Variants in DAB1 observed in about 807,000 individuals in gnomAD.
DAB1 encodes disabled homolog 1.
DAB1 carries 15 observed loss-of-function variants against 64.6 expected under a neutral mutation model. The observed-to-expected ratio is 0.23, with a 90% CI of 0.16 to 0.36. The LOEUF is 0.36. Ranked by LOEUF, DAB1 falls within the 10% of genes least tolerant of loss-of-function variation. The probability of loss-of-function intolerance (pLI) is 1.00; values close to 1 mark genes in which losing one functional copy is unlikely to be tolerated. For missense variants in DAB1, 596 were observed against 706.7 expected, an observed-to-expected ratio of 0.84 and a Z score of 1.78; for synonymous variants, 235 against 251.9, an observed-to-expected ratio of 0.93 and a Z score of 0.64.
intron 3 of DAB1, among the ~76,000 whole-genome samples, chr1:58,406,024 C>T (rs1015797965): frequency 3.3e-5 from 5 of 152,190 alleles, no homozygotes; most frequent in African/African-American, 1.2e-4. Flanking sequence ...GTTTGACATA[C>T]ACAATCTCAC....
At chr1:57,131,096 G>A (rs1334183152) in intron 4 of DAB1, among the ~76,000 whole-genome samples, 4 of 152,162 alleles carry the variant, frequency 2.6e-5, no homozygotes, top group Non-Finnish European at 5.9e-5. Context: ...CTACAAAACT[G>A]CCTACACACA....
At chr1:57,868,166 A>T (rs541456578) in intron 1 of DAB1, among the ~76,000 whole-genome samples, 1 of 152,326 alleles carries the variant, frequency 6.6e-6, no homozygotes, top group South Asian at 2.1e-4. Context: ...TCAGCTATGC[A>T]GAATTTCTGC....
At chr1:57,781,126 C>CTCTCTATATA (rs1557477160) in intron 6 of DAB1, among the ~76,000 whole-genome samples, 2 of 27,724 alleles carry the variant, frequency 7.2e-5, no homozygotes, top group Non-Finnish European at 1.3e-4. Context: ...CTCTCTCTCT[C>CTCTCTATATA]TATATATATA....
intron 6 of DAB1, among the ~76,000 whole-genome samples, chr1:57,792,089 T>G (rs1306579218): frequency 6.6e-6 from 1 of 152,180 alleles, no homozygotes; most frequent in Non-Finnish European, 1.5e-5. Flanking sequence ...TGACAACCCT[T>G]CCACTGAGGA....
At chr1:58,441,688 G>A (rs758179682) in intron 3 of DAB1, among the ~76,000 whole-genome samples, 3 of 152,148 alleles carry the variant, frequency 2.0e-5, no homozygotes, top group Non-Finnish European at 4.4e-5. Flanking sequence ...TCCTACCAGC[G>A]TGCAAGATGT....
At chr1:58,136,731 A>G (rs1449985436) in intron 5 of DAB1, among the ~76,000 whole-genome samples, 1 of 152,202 alleles carries the variant, frequency 6.6e-6, no homozygotes, top group African/African-American at 2.4e-5. Context: ...ATGTTCATTT[A>G]TCTAGGTTAT....
chr1:58,480,475 A>G (rs187872553), intron 3 of DAB1, among the ~76,000 whole-genome samples: 13 of 152,194 alleles, frequency 8.5e-5, no homozygotes, highest in Admixed American at 8.5e-4. Flanking sequence ...CCAGTCATCC[A>G]CAGGTGAAGA....
intron 9 of DAB1, among the ~76,000 whole-genome samples, chr1:57,061,666 C>G (rs1301424480): frequency 1.3e-5 from 2 of 152,184 alleles, no homozygotes; most frequent in Non-Finnish European, 2.9e-5. Context: ...CATACAGTGG[C>G]CTTTGGAGTC....
intron 3 of DAB1, among the ~76,000 whole-genome samples, chr1:58,495,504 T>C (rs1645784855): frequency 6.6e-6 from 1 of 152,144 alleles, no homozygotes; most frequent in South Asian, 2.1e-4. Context: ...GCTGAATTTT[T>C]TGGTAGTTCC....
intron 2 of DAB1, among the ~76,000 whole-genome samples, chr1:57,204,865 G>A (rs968228485): frequency 6.6e-6 from 1 of 152,128 alleles, no homozygotes; most frequent in African/African-American, 2.4e-5. Context: ...GGCCTAGAAG[G>A]CTTTGAAAAA....
At chr1:57,431,125 AG>A (rs1392344071) in intron 7 of DAB1, among the ~76,000 whole-genome samples, 1 of 147,292 alleles carries the variant, frequency 6.8e-6, no homozygotes, top group African/African-American at 2.6e-5. Flanking sequence ...AGCAAGAAAA[AG>A]TATTTCAGGC....
chr1:57,904,033 T>C lies in DAB1; in HGVS notation n.388-19871A>G, dbSNP rs1569958252. ...TTCATACATCTTCCTTTGTACTTCATGCTCTGGCAATTATGGTTATTTCCA... is the reference window on the plus strand; with the variant it reads ...TTCATACATCTTCCTTTGTACTTCACGCTCTGGCAATTATGGTTATTTCCA... On this transcript the variant is annotated intron_variant and non_coding_transcript_variant, in intron 5 of 20. Transcript: ENST00000485760. 1.3e-5 allele frequency among the ~76,000 whole-genome samples: 2 copies of C among 152,224 alleles called. 1 individual carries two copies. The highest frequency in any genetic ancestry group is 1.3e-4 in the Admixed American group (2 of 15,282).
At chr1:58,480,954 T>C in intron 3 of DAB1, 1 of 856,806 alleles carries the variant, frequency 1.2e-6, no homozygotes, top group Non-Finnish European at 2.0e-6. Flanking sequence ...TTGTGTCTCA[T>C]AAATTTTAAT....
intron 3 of DAB1, among the ~76,000 whole-genome samples, chr1:58,490,095 T>C (rs1014988553): frequency 7.2e-5 from 11 of 152,238 alleles, no homozygotes; most frequent in African/African-American, 2.7e-4. Context: ...GGACGCAGAA[T>C]GACTTTGACG....
intron 1 of DAB1, among the ~76,000 whole-genome samples, chr1:57,363,633 T>C (rs1302094149): frequency 6.6e-6 from 1 of 152,158 alleles, no homozygotes; most frequent in African/African-American, 2.4e-5. Context: ...TAGGGACTCC[T>C]CTCATTGTAG....
chr1:57,051,447 T>G (rs919766433), intron 9 of DAB1, among the ~76,000 whole-genome samples: 25 of 152,116 alleles, frequency 1.6e-4, no homozygotes, highest in African/African-American at 5.8e-4. Context: ...AGATGGGAGT[T>G]GTGGGGGGGA....
At chr1:57,031,439 C>T (rs1646963792) in intron 9 of DAB1, among the ~76,000 whole-genome samples, 1 of 152,186 alleles carries the variant, frequency 6.6e-6, no homozygotes, top group Admixed American at 6.5e-5. Flanking sequence ...TTGCAAAACA[C>T]TTTATAGTTT....
At chr1:57,289,228 G>C (rs1344744555) in intron 2 of DAB1, among the ~76,000 whole-genome samples, 1 of 152,154 alleles carries the variant, frequency 6.6e-6, no homozygotes, top group Non-Finnish European at 1.5e-5. Context: ...TTCTGGTTTT[G>C]CATGTTAAAA....
At chr1:58,467,534 T>C (rs529329155) in intron 3 of DAB1, among the ~76,000 whole-genome samples, 2 of 152,266 alleles carry the variant, frequency 1.3e-5, no homozygotes, top group African/African-American at 2.4e-5. Flanking sequence ...TTCTTAGAGC[T>C]TGTGGTCCAG....
Sources: allele counts gnomAD v4.1 joint callset (sites outside exome capture counted in the v4.1 genomes callset), GRCh38; gene constraint gnomAD v4.1.1; transcripts MANE v1.5; gene names NCBI Gene and HGNC (gene_info 2026-07-23, HGNC 2026-07-21).